WNT3: variants seen among roughly 807,000 people sequenced by gnomAD.
WNT3 encodes Wnt family member 3, also known as proto-oncogene Wnt-3.
A neutral mutation model predicts 34.2 loss-of-function variants in WNT3; 7 were observed. That is an observed-to-expected ratio of 0.20 (90% confidence interval 0.12 to 0.38). WNT3 has a LOEUF of 0.38. WNT3 is among the 10% of genes least tolerant of loss of function. The pLI, the probability that WNT3 is intolerant of heterozygous loss-of-function variation, is 1.00. For synonymous variants in WNT3, 212 were observed against 211.5 expected (o/e 1.00, Z -0.02); for missense variants, 267 against 499.8 (o/e 0.53, Z 4.44).
intron 1 of WNT3, 94 bp downstream of exon 1, chr17:46,818,424 C>T: frequency 1.5e-6 from 2 of 1,290,628 alleles, no homozygotes; most frequent in Non-Finnish European, 2.2e-6. Context: ...AGAGGAGCCC[C>T]AGCCCTGCAG....
At chr17:46,791,850 G>C (rs985224807) in intron 1 of WNT3, among the ~76,000 whole-genome samples, 2 of 152,176 alleles carry the variant, frequency 1.3e-5, no homozygotes, top group African/African-American at 4.8e-5. Context: ...GATCAGCCTG[G>C]GCAACACAGC....
chr17:46,816,606 T>C (rs1442991295), intron 1 of WNT3, among the ~76,000 whole-genome samples: 1 of 152,142 alleles, frequency 6.6e-6, no homozygotes, highest in African/African-American at 2.4e-5. Context: ...AGGGCCAATG[T>C]CTTGACCTTC....
intron 1 of WNT3, among the ~76,000 whole-genome samples, chr17:46,779,103 A>ACACCCCCCCCCC (rs749719578): frequency 1.5e-5 from 2 of 133,664 alleles, no homozygotes; most frequent in East Asian, 2.6e-4. Flanking sequence ...ACACACACAC[A>ACACCCCCCCCCC]CCCCAGCCCA....
chr17:46,813,078 G>T (rs557497605), intron 1 of WNT3, among the ~76,000 whole-genome samples: 1 of 152,198 alleles, frequency 6.6e-6, no homozygotes, highest in South Asian at 2.1e-4. Flanking sequence ...GTGCAAGCAG[G>T]TTGGCTTGGC....
chr17:46,809,488 ACACT>A (rs1057372718), intron 1 of WNT3, among the ~76,000 whole-genome samples: 4 of 152,080 alleles, frequency 2.6e-5, no homozygotes, highest in Non-Finnish European at 4.4e-5. Context: ...ACACGTACAC[ACACT>A]CAGTCCTCGC....
intron 1 of WNT3, among the ~76,000 whole-genome samples, chr17:46,811,123 C>A (rs1248050284): frequency 9.7e-6 from 1 of 103,590 alleles, no homozygotes; most frequent in African/African-American, 3.0e-5. Context: ...AGGCTGCAAA[C>A]AGATAAATCG....
intron 1 of WNT3, among the ~76,000 whole-genome samples, chr17:46,794,180 A>G (rs1198865301): frequency 1.3e-5 from 2 of 152,096 alleles, no homozygotes; most frequent in Non-Finnish European, 2.9e-5. Flanking sequence ...TGGATAAACC[A>G]CAAGACCTCA....
At chr17:46,785,788 CG>C (rs1360490642) in intron 1 of WNT3, among the ~76,000 whole-genome samples, 1 of 149,808 alleles carries the variant, frequency 6.7e-6, no homozygotes, top group East Asian at 2.0e-4. Context: ...GAAGAGGCTG[CG>C]GGCCCTGTGC....
chr17:46,804,367 G>T (rs1036325246), intron 1 of WNT3, among the ~76,000 whole-genome samples: 2 of 152,158 alleles, frequency 1.3e-5, no homozygotes, highest in African/African-American at 4.8e-5. Context: ...GACTACAGGC[G>T]CAAGCCACCA....
chr17:46,813,145 C>T (rs540116240), intron 1 of WNT3, among the ~76,000 whole-genome samples: 27 of 151,988 alleles, frequency 1.8e-4, no homozygotes, highest in East Asian at 3.9e-4. Flanking sequence ...CAGAAAGAAA[C>T]GGGTGGACTG....
intron 1 of WNT3, among the ~76,000 whole-genome samples, chr17:46,792,941 G>A (rs1467956223): frequency 6.6e-6 from 1 of 151,964 alleles, no homozygotes; most frequent in African/African-American, 2.4e-5. Flanking sequence ...AAGTCACATA[G>A]CTAGGAAATG....
chr17:46,807,268 A>T (rs2084209751), intron 1 of WNT3, among the ~76,000 whole-genome samples: 1 of 152,226 alleles, frequency 6.6e-6, no homozygotes, highest in African/African-American at 2.4e-5. Context: ...GGATCACTTG[A>T]TGTCAGGAGT....
At chr17:46,814,820 G>C (rs887199710) in intron 1 of WNT3, among the ~76,000 whole-genome samples, 1 of 152,344 alleles carries the variant, frequency 6.6e-6, no homozygotes, top group East Asian at 1.9e-4. Flanking sequence ...AGGTGGGAGT[G>C]GGTGGGAGAG....
chr17:46,790,560 C>T (rs2083971528), intron 1 of WNT3, among the ~76,000 whole-genome samples: 1 of 152,080 alleles, frequency 6.6e-6, no homozygotes, highest in Non-Finnish European at 1.5e-5. Context: ...GTCCTCTGCC[C>T]TCCCCCTGGG....
At position 46,768,547 on chromosome 17, in the gene WNT3, G is replaced by A. The variant is rs1389773314; in HGVS notation, c.841C>T (p.Pro281Ser). The change falls in exon 4 of 5, where the codon CCC becomes TCC. Residue 281 changes from proline to serine, a missense_variant. Around this residue, in one of 3 missense-constraint regions of WNT3, gnomAD observed 181 missense variants for 391.3 expected, o/e 0.46. Transcript: ENST00000225512. This position sits in a 1 kb window ranked among gnomAD's most constrained non-coding sequence, Gnocchi z 5.0. The stretch of plus-strand genomic sequence containing the variant: ...TCTGGGTTGGGCTCACAAAAGTTGG[G>A]GGAGTTCTCGTAGTAGACCAGGTCC... ...ERDLVYYENSPNFCEPNPETG... is the reference protein window; with the variant it reads ...ERDLVYYENSSNFCEPNPETG... 1 of 1,614,174 alleles carries A rather than the reference G, an allele frequency of 6.2e-7. No individual in the cohort carries two copies. The highest frequency in any genetic ancestry group is 1.3e-5 in the African/African-American group (1 of 75,050).
rs757175159 is a variant in WNT3 at position 46,773,648 on chromosome 17, CCT to C, written c.322+18_322+19del. On this transcript the variant is annotated intron_variant, in intron 2 of 4. Coordinates refer to ENST00000225512, the MANE Select transcript of WNT3 (RefSeq NM_030753.5). ...TCCCCCCACCCAGCCCCTCCCCCCCCCTCAGCCCCAAGGCAGTACCTTTGTCG... is the reference window on the plus strand; with the variant it reads ...TCCCCCCACCCAGCCCCTCCCCCCCCCAGCCCCAAGGCAGTACCTTTGTCG... The C allele has an allele frequency of 1.2e-5, 18 of 1,531,374 alleles. No homozygotes were observed. In the African/African-American group the frequency reaches 1.4e-4, roughly 12 times the overall value. 94.9% of individuals were successfully genotyped at this position (1,531,374 alleles called of 1,614,324 possible).
At chr17:46,813,627 G>A (rs2084304453) in intron 1 of WNT3, among the ~76,000 whole-genome samples, 1 of 151,948 alleles carries the variant, frequency 6.6e-6, no homozygotes, top group African/African-American at 2.4e-5. Flanking sequence ...CACATTCTGA[G>A]ACCAGAAAAA....
intron 2 of WNT3, among the ~76,000 whole-genome samples, chr17:46,772,194 C>T (rs2059380261): frequency 1.3e-5 from 2 of 152,312 alleles, no homozygotes; most frequent in African/African-American, 4.8e-5. Context: ...CTCGCGGCGT[C>T]TTCCGGGATG....
In WNT3 at chr17:46,767,369, A is replaced by C. The variant is rs577571163; in HGVS notation, c.*8+943T>G. ...ACCCAAGCTTCAGATCTGTCAGGAT[A>C]TGGGCTTATATGCCGCTTCCCCCCA... is the stretch of plus-strand genomic sequence containing the variant. On this transcript the variant is annotated intron_variant, in intron 4 of 4. Coordinates refer to ENST00000225512, the MANE Select transcript of WNT3 (RefSeq NM_030753.5). 1.4e-4 allele frequency among the ~76,000 whole-genome samples: 22 copies of C among 152,306 alleles called. 1 individual carries two copies. The South Asian group carries it at 4.1e-3, about 29-fold the overall frequency.
Sources: allele counts gnomAD v4.1 joint callset (sites outside exome capture counted in the v4.1 genomes callset), GRCh38; gene constraint gnomAD v4.1.1; regional missense constraint gnomAD v4.1.1; non-coding constraint Gnocchi (gnomAD v3.1); transcripts MANE v1.5; gene names NCBI Gene and HGNC (gene_info 2026-07-23, HGNC 2026-07-21).